MYO7B: variants seen among roughly 807,000 people sequenced by gnomAD.
MYO7B encodes myosin VIIB.
In MYO7B, 212 loss-of-function variants were observed where a neutral mutation model predicts 259.7. That is an observed-to-expected ratio of 0.82 (90% CI 0.73 to 0.91). The LOEUF (loss-of-function observed/expected upper bound fraction) is 0.91, where lower values mean the gene tolerates loss of function less well. Ranked by LOEUF, MYO7B falls within the 40% of genes least tolerant of loss-of-function variation. MYO7B has a pLI of 0.00. For synonymous variants in MYO7B, 1,197 were observed against 1,166.4 expected, an observed-to-expected ratio of 1.03 and a Z score of -0.54; for missense variants, 2,732 against 2,813.5, an observed-to-expected ratio of 0.97 and a Z score of 0.66.
intron 27 of MYO7B, among the ~76,000 whole-genome samples, chr2:127,621,264 T>G (rs74364359): frequency 0.19 from 25,167 of 129,344 alleles, 2,448 homozygotes; most frequent in South Asian, 0.26. Flanking sequence ...TTTTTTTTTT[T>G]GTTTTTTTTT....
Position 127,540,257 on chromosome 2 carries a change from G to A in MYO7B, c.-24+4426G>A, listed in dbSNP as rs551519730. Among the ~76,000 whole-genome samples the A allele has an allele frequency of 5.3e-5, 8 of 151,394 alleles. No homozygotes were observed. The East Asian group carries it at 1.2e-3, about 22-fold the overall frequency. ...CGGCTCACTGCAATCTCCGCCTCCCGGATTCAAATGATTCTCCTGTCTCAG... is the reference window on the plus strand; with the variant it reads ...CGGCTCACTGCAATCTCCGCCTCCCAGATTCAAATGATTCTCCTGTCTCAG... On this transcript the variant is annotated intron_variant, in intron 1 of 47. Coordinates refer to ENST00000409816, the MANE Select transcript of MYO7B (RefSeq NM_001393586.1).
chr2:127,593,497 A>AG (rs1679648867), intron 17 of MYO7B, 49 bp from the exon 18 acceptor site: 2 of 1,559,022 alleles, frequency 1.3e-6, no homozygotes, highest in African/African-American at 2.7e-5. Flanking sequence ...AGAGCCGCCG[A>AG]GGGGTCTCTG....
chr2:127,581,545 C>T (rs867328780), intron 10 of MYO7B, among the ~76,000 whole-genome samples: 1 of 152,236 alleles, frequency 6.6e-6, no homozygotes, highest in East Asian at 1.9e-4. Flanking sequence ...CCAGCACACT[C>T]TCTTGCTCCT....
At chr2:127,625,224 C>A in intron 30 of MYO7B, 144 bp from the exon 31 acceptor site, 1 of 949,010 alleles carries the variant, frequency 1.1e-6, no homozygotes, top group Non-Finnish European at 1.5e-6. Context: ...TCAGGGCATG[C>A]AGGGAGGGGG....
At chr2:127,589,365 T>G (rs1679453136) in intron 15 of MYO7B, among the ~76,000 whole-genome samples, 2 of 119,912 alleles carry the variant, frequency 1.7e-5, no homozygotes, top group South Asian at 3.1e-4. Context: ...GTGGGTGGAA[T>G]GGTGAATGAA....
chr2:127,636,733 C>A lies in MYO7B; in HGVS notation c.6208-61C>A. The A allele has an allele frequency of 6.2e-7, 1 of 1,611,940 alleles. No homozygotes were observed. The highest frequency in any genetic ancestry group is 8.5e-7 in the Non-Finnish European group (1 of 1,178,990). ...GTGTGTCCTGCCTCTCTCCTGTCCC[C>A]TAACACACACAGAGCCCGTGCTCTG... On this transcript the variant is annotated intron_variant, in intron 46 of 47. Coordinates refer to ENST00000409816, the MANE Select transcript of MYO7B (RefSeq NM_001393586.1). The surrounding 1 kb of genome is among the most constrained non-coding windows in gnomAD (Gnocchi z 4.5).
Position 127,615,522 on chromosome 2 carries a change from G to A in MYO7B, c.3398+2919G>A, listed in dbSNP as rs1473025539. On this transcript the variant is annotated intron_variant, in intron 26 of 47. Transcript: ENST00000409816. This position sits in a 1 kb window ranked among gnomAD's most constrained non-coding sequence, Gnocchi z 4.4. ...GGGTAGAATGAGCAGGGAGGAGGAG[G>A]TAACGATTGGTCAGCTGCTTAATTG... is the stretch of plus-strand genomic sequence containing the variant. Among the ~76,000 whole-genome samples, 1 of 152,096 alleles carries A rather than the reference G, an allele frequency of 6.6e-6. No individual in the cohort carries two copies. Among genetic ancestry groups the A allele is most frequent in the Non-Finnish European group, 1.5e-5 (1 of 68,024 alleles).
intron 1 of MYO7B, among the ~76,000 whole-genome samples, chr2:127,555,989 TGGA>T (rs1693621207): frequency 6.6e-6 from 1 of 152,230 alleles, no homozygotes; most frequent in Non-Finnish European, 1.5e-5. Flanking sequence ...GTGCTGCCAG[TGGA>T]GTATTGAAGT....
chr2:127,579,330 A>G (rs1422143111), intron 9 of MYO7B, among the ~76,000 whole-genome samples: 1 of 152,220 alleles, frequency 6.6e-6, no homozygotes, highest in Non-Finnish European at 1.5e-5. Context: ...ACTGTTCTAG[A>G]GCAATGGGGT....
At chr2:127,579,479 A>G (rs1340734118) in intron 9 of MYO7B, among the ~76,000 whole-genome samples, 3 of 152,230 alleles carry the variant, frequency 2.0e-5, no homozygotes, top group Admixed American at 2.0e-4. Flanking sequence ...GGTGCTAACC[A>G]GAGGTGGGCA....
chr2:127,608,638 G>T, intron 21 of MYO7B, 70 bp from the exon 22 acceptor site: 2 of 1,506,982 alleles, frequency 1.3e-6, no homozygotes, highest in Non-Finnish European at 9.0e-7. Context: ...CTTGCCCTGT[G>T]GGGTAGGCAG....
Position 127,596,549 on chromosome 2 carries a change from A to C in MYO7B, c.2332A>C (p.Arg778=). 6.2e-7 allele frequency: 1 copy of C among 1,611,402 alleles called. No homozygotes were observed. The highest frequency in any genetic ancestry group is 8.5e-7 in the Non-Finnish European group (1 of 1,178,902). Reference sequence around the variant, plus strand: ...CATCCAGAAAGTCCTTCGGGGCTACAGATACAGGTGCCGGCCCCACCCCAA... The same window carrying C: ...CATCCAGAAAGTCCTTCGGGGCTACCGATACAGGTGCCGGCCCCACCCCAA... ...LSIQKVLRGY[R]YRKEFLRQRR... is the part of the protein sequence containing the mutation. The change falls in exon 19 of 48, where the codon AGA becomes CGA. Residue 778 remains arginine (R), a synonymous_variant. Coordinates refer to ENST00000409816, the MANE Select transcript of MYO7B (RefSeq NM_001393586.1).
chr2:127,634,265 C>T lies in MYO7B; in HGVS notation c.5601C>T (p.Ser1867=), dbSNP rs1292356380. The T allele has an allele frequency of 1.3e-6, 2 of 1,585,930 alleles. No homozygotes were observed. The highest frequency in any genetic ancestry group is 1.7e-6 in the Non-Finnish European group (2 of 1,170,740). The change falls in exon 41 of 48, where the codon AGC becomes AGT. Residue 1867 remains serine, a synonymous_variant. Coordinates refer to ENST00000409816, the MANE Select transcript of MYO7B (RefSeq NM_001393586.1). The stretch of plus-strand genomic sequence containing the variant: ...AGCTGGCCTCCTGGGAGGGCTGCAG[C>T]CTCTTCATCAAGATTTCAGACAAGG... ...RLQLASWEGC[S]LFIKISDKVI...
rs894447961 is a variant in MYO7B, at chr2:127,611,183, G to A, written c.3193-1067G>A. Among the ~76,000 whole-genome samples the A allele has an allele frequency of 6.6e-6, 1 of 152,204 alleles. No individual in the cohort carries two copies. Among genetic ancestry groups the A allele is most frequent in the Non-Finnish European group, 1.5e-5 (1 of 68,042 alleles). ...GTGGGCCTTTCCACAAAGCTGCCTGGGCATCCTCACAACATGGCTTCCCTC... is the reference window on the plus strand; with the variant it reads ...GTGGGCCTTTCCACAAAGCTGCCTGAGCATCCTCACAACATGGCTTCCCTC... On this transcript the variant is annotated intron_variant, in intron 24 of 47. Coordinates refer to ENST00000409816, the MANE Select transcript of MYO7B (RefSeq NM_001393586.1). This position sits in a 1 kb window ranked among gnomAD's most constrained non-coding sequence, Gnocchi z 5.4.
Position 127,605,953 on chromosome 2 carries a change from G to GA in MYO7B, c.2424+25_2424+26insA. Reference sequence around the variant, plus strand: ...GGTGAGAGAGCTCTCTGGGGCGGCTGGGCCGCGGGACCAGCGGGTAACTGT... The same window carrying GA: ...GGTGAGAGAGCTCTCTGGGGCGGCTGAGGCCGCGGGACCAGCGGGTAACTGT... On this transcript the variant is annotated intron_variant, in intron 20 of 47. Transcript: ENST00000409816. 2.1e-6 allele frequency: 3 copies of GA among 1,452,548 alleles called. No individual in the cohort carries two copies. In the South Asian group the frequency reaches 3.5e-5, roughly 17 times the overall value. The allele number at this position is 1,452,548 out of a possible 1,614,324, so 90.0% of individuals were successfully genotyped here. A position where few individuals can be genotyped will look rare whatever the true frequency, so the allele number is the denominator to read the frequency against.
chr2:127,627,834 C>T lies in MYO7B; in HGVS notation c.4460+524C>T, dbSNP rs767446377. The T allele has an allele frequency of 1.3e-5, 6 of 457,994 alleles. No homozygotes were observed. The highest frequency in any genetic ancestry group is 7.0e-5 in the Admixed American group (3 of 42,622). 28.4% of individuals were successfully genotyped at this position (457,994 alleles called of 1,614,324 possible). A position where few individuals can be genotyped will look rare whatever the true frequency, so the allele number is the denominator to read the frequency against. On this transcript the variant is annotated intron_variant, in intron 33 of 47. Transcript: ENST00000409816. The surrounding 1 kb of genome is among the most constrained non-coding windows in gnomAD (Gnocchi z 5.6). ...AAGTCCCACCCAAGCCCTGCCAGAGCGCCCCTTGGTTGAAGCACACAACAG... is the reference window on the plus strand; with the variant it reads ...AAGTCCCACCCAAGCCCTGCCAGAGTGCCCCTTGGTTGAAGCACACAACAG...
chr2:127,593,101 A>C, intron 17 of MYO7B, among the ~76,000 whole-genome samples, 155 bp downstream of exon 17: 1 of 150,184 alleles, frequency 6.7e-6, no homozygotes, highest in Non-Finnish European at 1.5e-5. Flanking sequence ...TCCTCCTCCC[A>C]CCCTACCCTC....
intron 10 of MYO7B, among the ~76,000 whole-genome samples, chr2:127,581,113 C>T (rs1170926442): frequency 1.3e-5 from 2 of 152,200 alleles, no homozygotes; most frequent in African/African-American, 4.8e-5. Flanking sequence ...CCTCGCCCTC[C>T]ACCCTGTCAG....
rs149957343 is a variant in MYO7B at position 127,579,841 on chromosome 2, C to T, written c.1004-905C>T. 3.7e-3 allele frequency among the ~76,000 whole-genome samples: 568 copies of T among 152,326 alleles called. 5 individuals carry two copies. Among genetic ancestry groups the T allele is most frequent in the African/African-American group, 0.013 (525 of 41,560 alleles). On this transcript the variant is annotated intron_variant, in intron 9 of 47. Transcript: ENST00000409816. ...CCTCAGGTGATCCTTCTGCTTCAGCCTCCCAAAGTGCTGGGATTACAGACA... is the reference window on the plus strand; with the variant it reads ...CCTCAGGTGATCCTTCTGCTTCAGCTTCCCAAAGTGCTGGGATTACAGACA...
Sources: gnomAD v4.1 joint callset for allele counts (sites outside exome capture counted in the v4.1 genomes callset) on GRCh38, gnomAD v4.1.1 for gene constraint, Gnocchi (gnomAD v3.1) non-coding constraint, MANE v1.5 for transcripts, NCBI Gene and HGNC (gene_info 2026-07-23, HGNC 2026-07-21) for gene names.